KCNMA1: variants seen among roughly 807,000 people sequenced by gnomAD.
KCNMA1 encodes potassium calcium-activated channel subfamily M alpha 1.
A neutral mutation model predicts 140.0 loss-of-function variants in KCNMA1; 29 were observed. The ratio of observed to expected loss-of-function variants is 0.21; its 90% CI spans 0.15 to 0.28. The LOEUF (loss-of-function observed/expected upper bound fraction) is 0.28, where lower values mean the gene tolerates loss of function less well. KCNMA1 is among the 10% of genes least tolerant of loss of function. The pLI is 1.00. For synonymous variants in KCNMA1, 612 were observed against 611.9 expected, an observed-to-expected ratio of 1.00 and a Z score of 0.00; for missense variants, 880 against 1,602.2, an observed-to-expected ratio of 0.55 and a Z score of 7.70.
intron 1 of KCNMA1, among the ~76,000 whole-genome samples, chr10:77,580,110 C>T (rs1466871460): frequency 3.9e-5 from 6 of 152,008 alleles, no homozygotes; most frequent in South Asian, 2.1e-4. Context: ...GGCCGAGCAC[C>T]GTGGCTCATG....
chr10:77,255,346 T>G (rs2060499324), intron 2 of KCNMA1, among the ~76,000 whole-genome samples: 1 of 152,148 alleles, frequency 6.6e-6, no homozygotes. Flanking sequence ...ATGCCTGTAA[T>G]CCCAGCACTT....
At chr10:77,022,845 G>C in intron 16 of KCNMA1, 1 of 370,930 alleles carries the variant, frequency 2.7e-6, no homozygotes, top group East Asian at 9.8e-5. Flanking sequence ...CCACACCTCT[G>C]CTAGGGCTAG....
intron 3 of KCNMA1, among the ~76,000 whole-genome samples, chr10:77,226,867 T>C (rs1019595344): frequency 3.3e-5 from 5 of 152,196 alleles, no homozygotes; most frequent in African/African-American, 4.8e-5. Context: ...ATTTTACTAA[T>C]AGCCAAAAAC....
In KCNMA1 at chr10:76,886,318, T is replaced by A. The variant is rs566285115; in HGVS notation, c.*948A>T. On this transcript the variant is annotated 3_prime_UTR_variant, in exon 28 of 28. Transcript: ENST00000286628. ...TCCTGAGCATTATTTATTCTGTACA[T>A]AAGGTAAGTAATTCACCTTTTAAAA... The A allele has an allele frequency of 1.0e-6, 1 of 985,244 alleles. No individual in the cohort carries two copies. The highest frequency in any genetic ancestry group is 1.1e-4 in the East Asian group (1 of 8,816). The allele number at this position is 985,244 out of a possible 1,614,324, so 61.0% of individuals were successfully genotyped here.
intron 1 of KCNMA1, among the ~76,000 whole-genome samples, chr10:77,410,536 C>T (rs549815597): frequency 6.6e-6 from 1 of 152,342 alleles, no homozygotes; most frequent in East Asian, 1.9e-4. Context: ...GTTGTTTAGG[C>T]AAAGGCCATC....
At chr10:76,925,812 T>TAAC (rs1035664613) in intron 23 of KCNMA1, among the ~76,000 whole-genome samples, 4 of 152,302 alleles carry the variant, frequency 2.6e-5, no homozygotes, top group South Asian at 2.1e-4. Flanking sequence ...GAGCAAAGTA[T>TAAC]AACATCCATA....
intron 2 of KCNMA1, among the ~76,000 whole-genome samples, chr10:77,275,111 A>G (rs1382552974): frequency 1.3e-5 from 2 of 152,198 alleles, no homozygotes; most frequent in Admixed American, 6.5e-5. Context: ...TTCATGGGCA[A>G]CTGGATCAAC....
intron 16 of KCNMA1, among the ~76,000 whole-genome samples, chr10:77,025,242 GTATATATATATATATA>G (rs1183311699): frequency 0.036 from 1,556 of 42,828 alleles, 117 homozygotes; most frequent in African/African-American, 0.11. Flanking sequence ...GGGTGTGTGT[GTATATATATATATATA>G]TATATATATA....
chr10:77,080,828 A>T (rs538053133), intron 12 of KCNMA1, among the ~76,000 whole-genome samples: 4 of 152,168 alleles, frequency 2.6e-5, no homozygotes, highest in African/African-American at 4.8e-5. Context: ...GACAACAATG[A>T]CAAATCAAAC....
intron 25 of KCNMA1, 57 bp from the exon 26 acceptor site, chr10:76,891,776 G>A: frequency 7.2e-7 from 1 of 1,392,790 alleles, no homozygotes; most frequent in Non-Finnish European, 1.0e-6. Flanking sequence ...CTAAAGTCAT[G>A]ACAGCCGACA....
At chr10:77,426,097 G>A (rs758395002) in intron 1 of KCNMA1, among the ~76,000 whole-genome samples, 2 of 152,166 alleles carry the variant, frequency 1.3e-5, no homozygotes, top group Admixed American at 6.5e-5. Context: ...TCTGTAAAAT[G>A]AGCATATGAG....
intron 23 of KCNMA1, among the ~76,000 whole-genome samples, chr10:76,929,376 G>T (rs1030087698): frequency 2.0e-5 from 3 of 152,092 alleles, no homozygotes; most frequent in African/African-American, 7.2e-5. Flanking sequence ...GTGCCCACCT[G>T]CCTTGACCTC....
intron 2 of KCNMA1, among the ~76,000 whole-genome samples, chr10:77,353,983 GGT>G (rs1198818818): frequency 1.9e-3 from 94 of 49,836 alleles, no homozygotes; most frequent in South Asian, 7.0e-3. Context: ...GGGGGGGGGT[GGT>G]GGGGGTGGAG....
At chr10:77,508,972 T>C (rs1347321185) in intron 1 of KCNMA1, among the ~76,000 whole-genome samples, 1 of 152,226 alleles carries the variant, frequency 6.6e-6, no homozygotes, top group Non-Finnish European at 1.5e-5. Context: ...ACCCATGTTG[T>C]AGCATGTGGC....
At chr10:77,216,001 A>G (rs771002858) in intron 3 of KCNMA1, among the ~76,000 whole-genome samples, 1 of 151,980 alleles carries the variant, frequency 6.6e-6, no homozygotes, top group African/African-American at 2.4e-5. Context: ...GAAATTGACC[A>G]TGCTGTTGCC....
intron 2 of KCNMA1, among the ~76,000 whole-genome samples, chr10:77,296,480 C>G (rs544646924): frequency 6.6e-6 from 1 of 152,280 alleles, no homozygotes; most frequent in South Asian, 2.1e-4. Context: ...ACAGCAGCAA[C>G]AGGGAACTAA....
intron 1 of KCNMA1, among the ~76,000 whole-genome samples, chr10:77,517,960 G>A (rs2051193207): frequency 6.6e-6 from 1 of 152,180 alleles, no homozygotes; most frequent in Non-Finnish European, 1.5e-5. Flanking sequence ...AGGGAAGGGA[G>A]GCAGGAAGAG....
intron 13 of KCNMA1, chr10:77,078,039 G>C (rs1253491904): frequency 6.6e-6 from 1 of 152,232 alleles, no homozygotes; most frequent in African/African-American, 2.4e-5. Flanking sequence ...CTCAGTGACA[G>C]CCTCTGATGG....
chr10:77,029,419 T>C (rs912191791), intron 15 of KCNMA1, among the ~76,000 whole-genome samples: 16 of 152,220 alleles, frequency 1.1e-4, no homozygotes, highest in African/African-American at 3.9e-4. Flanking sequence ...CTTCTATTGA[T>C]AGCTCCATTT....
Sources: allele counts gnomAD v4.1 joint callset (sites outside exome capture counted in the v4.1 genomes callset), GRCh38; gene constraint gnomAD v4.1.1; transcripts MANE v1.5; gene names NCBI Gene and HGNC (gene_info 2026-07-23, HGNC 2026-07-21).